The following ABCA10 variants were observed in gnomAD, a reference collection of about 807,000 sequenced individuals.
ABCA10 encodes ATP-binding cassette sub-family A member 10.
Under a neutral mutation model 187.5 loss-of-function variants are expected in ABCA10, and 169 were observed. The ratio of observed to expected loss-of-function variants is 0.90; its 90% CI spans 0.80 to 1.02. The LOEUF (loss-of-function observed/expected upper bound fraction) is 1.02. ABCA10 is among the 50% of genes least tolerant of loss of function. The pLI, the probability that ABCA10 is intolerant of heterozygous loss-of-function variation, is 0.00. For missense variants in ABCA10, 1,727 were observed against 1,812.4 expected (o/e 0.95, Z 0.86); for synonymous variants, 574 against 601.8 (o/e 0.95, Z 0.68).
At chr17:69,177,010 C>G (rs770881600) in intron 22 of ABCA10, among the ~76,000 whole-genome samples, 2 of 152,062 alleles carry the variant, frequency 1.3e-5, no homozygotes, top group Non-Finnish European at 2.9e-5. Context: ...TCTTTGCTCC[C>G]CCATCTCTCT....
rs1327175373 is a variant in ABCA10, at chr17:69,191,264, C to G, written c.1923G>C (p.Lys641Asn). 1 of 1,604,774 alleles carries G rather than the reference C, an allele frequency of 6.2e-7. No homozygotes were observed. The highest frequency in any genetic ancestry group is 8.5e-7 in the Non-Finnish European group (1 of 1,174,636). The change falls in exon 17 of 39, where the codon AAG (lysine) becomes AAC (asparagine). Residue 641 changes from lysine to asparagine, a missense_variant. Physicochemically the swap from Lys to Asn is moderately conservative, Grantham distance 94 (BLOSUM62 0). Transcript: ENST00000690296. ...CDTEKITSLI[K>N]QHIPDAKLTT... is the part of the protein sequence containing the mutation. The stretch of plus-strand genomic sequence containing the variant: ...TTAACTTGGCATCAGGAATGTGCTG[C>G]TTAATAAGGGATGTGATTTTTTCTG...
intron 21 of ABCA10, 121 bp downstream of exon 21, chr17:69,182,554 C>T: frequency 8.1e-7 from 1 of 1,228,480 alleles, no homozygotes; most frequent in Non-Finnish European, 1.1e-6. Flanking sequence ...AGTTTCAAGC[C>T]TCCTCTAATA....
Position 69,185,753 on chromosome 17 carries a change from G to A in ABCA10, c.2331-110C>T, listed in dbSNP as rs1013391245. The A allele has an allele frequency of 9.2e-5, 73 of 789,668 alleles. No homozygotes were observed. The African/African-American group carries it at 1.1e-3, about 12-fold the overall frequency. 48.9% of individuals were successfully genotyped at this position (789,668 alleles called of 1,614,324 possible). On this transcript the variant is annotated intron_variant, in intron 19 of 38. Transcript: ENST00000690296. ...TATGGAAAGTCCACATGCATATGTG[G>A]TGTTTAGTTAGATAAAATGAAACAT...
intron 10 of ABCA10, among the ~76,000 whole-genome samples, chr17:69,198,754 A>G (rs1301899083): frequency 6.6e-6 from 1 of 151,986 alleles, no homozygotes; most frequent in African/African-American, 2.4e-5. Context: ...CCAGCAACTC[A>G]CTTTTCCTGA....
At chr17:69,162,670 G>C (rs1272864037) in intron 27 of ABCA10, among the ~76,000 whole-genome samples, 1 of 151,964 alleles carries the variant, frequency 6.6e-6, no homozygotes, top group Non-Finnish European at 1.5e-5. Context: ...TTTTTGTTCA[G>C]TTAGTAACGT....
At chr17:69,169,578 T>C (rs1272993953) in intron 25 of ABCA10, among the ~76,000 whole-genome samples, 1 of 151,756 alleles carries the variant, frequency 6.6e-6, no homozygotes. Flanking sequence ...AAGAACAAGG[T>C]GGGAAGGTTT....
chr17:69,154,528 G>T (rs1191906302), intron 30 of ABCA10, among the ~76,000 whole-genome samples: 2 of 149,880 alleles, frequency 1.3e-5, no homozygotes, highest in Non-Finnish European at 1.5e-5. Flanking sequence ...GGGCTCAAGC[G>T]ATCTTCCTGC....
intron 34 of ABCA10, 125 bp from the exon 35 acceptor site, chr17:69,152,606 T>C (rs1358763034): frequency 2.4e-5 from 32 of 1,341,898 alleles, no homozygotes; most frequent in Non-Finnish European, 3.2e-5. Flanking sequence ...TGCAACATGG[T>C]GAAACCCCAT....
At chr17:69,151,186 C>T (rs1028951407) in intron 36 of ABCA10, among the ~76,000 whole-genome samples, 1 of 152,130 alleles carries the variant, frequency 6.6e-6, no homozygotes, top group Non-Finnish European at 1.5e-5. Context: ...TTGTTTCATC[C>T]TTGACATTTG....
At chr17:69,242,291 C>T (rs1414218700) in intron 1 of ABCA10, among the ~76,000 whole-genome samples, 1 of 152,144 alleles carries the variant, frequency 6.6e-6, no homozygotes, top group African/African-American at 2.4e-5. Context: ...TCTTTTCCTA[C>T]AACTATATGA....
chr17:69,198,052 G>A (rs1317277243), intron 10 of ABCA10, among the ~76,000 whole-genome samples: 1 of 151,968 alleles, frequency 6.6e-6, no homozygotes, highest in Non-Finnish European at 1.5e-5. Context: ...TATCTACCCA[G>A]GAACTCAAGC....
At chr17:69,182,928 A>G in intron 20 of ABCA10, 120 bp from the exon 21 acceptor site, 10 of 1,290,692 alleles carry the variant, frequency 7.7e-6, no homozygotes, top group Non-Finnish European at 9.5e-6. Flanking sequence ...AGCTTAGTAA[A>G]GAGCCTTGCT....
At chr17:69,178,169 C>G (rs777749459) in intron 22 of ABCA10, among the ~76,000 whole-genome samples, 1 of 151,098 alleles carries the variant, frequency 6.6e-6, no homozygotes, top group Non-Finnish European at 1.5e-5. Flanking sequence ...ACAGATGACA[C>G]GTAGCTTAGT....
intron 9 of ABCA10, among the ~76,000 whole-genome samples, chr17:69,202,378 TAA>T (rs571337243): frequency 5.8e-4 from 88 of 152,098 alleles, no homozygotes; most frequent in Non-Finnish European, 9.0e-4. Flanking sequence ...CACTGTAAAA[TAA>T]AAGAGAACTT....
chr17:69,219,364 G>T (rs1176492710), intron 6 of ABCA10, among the ~76,000 whole-genome samples, 181 bp downstream of exon 6: 1 of 152,094 alleles, frequency 6.6e-6, no homozygotes, highest in Admixed American at 6.6e-5. Context: ...TTCAACTCAG[G>T]GAAACATAAG....
intron 25 of ABCA10, among the ~76,000 whole-genome samples, chr17:69,171,164 G>A (rs2074294988): frequency 6.6e-6 from 1 of 152,064 alleles, no homozygotes; most frequent in South Asian, 2.1e-4. Context: ...AACATATAAG[G>A]CAATAAGCAC....
At chr17:69,213,743 T>A (rs1195868049) in intron 9 of ABCA10, among the ~76,000 whole-genome samples, 1 of 152,146 alleles carries the variant, frequency 6.6e-6, no homozygotes, top group African/African-American at 2.4e-5. Flanking sequence ...AGTACCTACA[T>A]TTCCTGTTCA....
intron 9 of ABCA10, among the ~76,000 whole-genome samples, chr17:69,202,630 T>A (rs1035915933): frequency 2.7e-5 from 4 of 149,384 alleles, no homozygotes; most frequent in African/African-American, 1.0e-4. Context: ...TTTATATAAA[T>A]TTTTTTCAAC....
chr17:69,207,152 C>T (rs1483102321), intron 9 of ABCA10, among the ~76,000 whole-genome samples: 3 of 152,166 alleles, frequency 2.0e-5, no homozygotes, highest in Non-Finnish European at 2.9e-5. Flanking sequence ...CTCAACATCA[C>T]TAATCATCAG....
Sources: allele counts gnomAD v4.1 joint callset (sites outside exome capture counted in the v4.1 genomes callset), GRCh38; gene constraint gnomAD v4.1.1; transcripts MANE v1.5; gene names NCBI Gene and HGNC (gene_info 2026-07-23, HGNC 2026-07-21).